PHF21B: variants seen among roughly 807,000 people sequenced by gnomAD.
The protein encoded by PHF21B is PHD finger protein 4.
Under a neutral mutation model 62.2 loss-of-function variants are expected in PHF21B, and 22 were observed. The observed-to-expected ratio is 0.35, with a 90% CI of 0.25 to 0.51. The LOEUF is 0.51. PHF21B is among the 20% of genes least tolerant of loss of function. The pLI, the probability that PHF21B is intolerant of heterozygous loss-of-function variation, is 0.97. For missense variants in PHF21B, 701 were observed against 707.9 expected (o/e 0.99, Z 0.11); for synonymous variants, 341 against 314.7 (o/e 1.08, Z -0.88).
chr22:44,941,905 G>A (rs1185704869), intron 2 of PHF21B, among the ~76,000 whole-genome samples: 2 of 152,152 alleles, frequency 1.3e-5, no homozygotes, highest in African/African-American at 2.4e-5. Context: ...CGTCTCCCAG[G>A]GACTGCCTGT....
chr22:44,930,811 C>T (rs372629902), intron 2 of PHF21B, among the ~76,000 whole-genome samples: 2 of 152,210 alleles, frequency 1.3e-5, no homozygotes, highest in South Asian at 2.1e-4. Context: ...GGCGCAAGGG[C>T]GGCACCCCCC....
At chr22:44,959,003 G>A (rs968686829) in intron 2 of PHF21B, among the ~76,000 whole-genome samples, 2 of 151,792 alleles carry the variant, frequency 1.3e-5, no homozygotes, top group Non-Finnish European at 2.9e-5. Context: ...TTCCATGGCC[G>A]GCCCCGCTGG....
At chr22:44,979,533 G>T (rs2147471466) in intron 2 of PHF21B, among the ~76,000 whole-genome samples, 1 of 152,330 alleles carries the variant, frequency 6.6e-6, no homozygotes, top group East Asian at 1.9e-4. Context: ...TCTCATGTCT[G>T]CCCAGTGTCC....
At chr22:45,005,057 C>T (rs1569288220) in intron 2 of PHF21B, among the ~76,000 whole-genome samples, 1 of 152,234 alleles carries the variant, frequency 6.6e-6, no homozygotes, top group Non-Finnish European at 1.5e-5. Context: ...ATGCTGTGCT[C>T]GGAACTCCGA....
intron 9 of PHF21B, among the ~76,000 whole-genome samples, chr22:44,888,381 C>T (rs1051680120): frequency 7.2e-5 from 11 of 152,164 alleles, no homozygotes; most frequent in African/African-American, 2.4e-4. Context: ...TGGAGTCTGG[C>T]CTGGTGTGAC....
At chr22:44,985,440 T>TAAG (rs61141744) in intron 2 of PHF21B, among the ~76,000 whole-genome samples, 3,066 of 152,136 alleles carry the variant, frequency 0.02, 94 homozygotes, top group African/African-American at 0.069. Context: ...ACCCTGTCTC[T>TAAG]AACAAAAAAA....
rs578119092 is a variant in PHF21B, at chr22:44,978,891, G to A, written c.120+29654C>T. Among the ~76,000 whole-genome samples the A allele has an allele frequency of 2.2e-4, 34 of 152,144 alleles. 1 individual carries two copies. The highest frequency in any genetic ancestry group is 6.3e-4 in the African/African-American group (26 of 41,506). ...GTGGCCACTGCTGTGTAGACTCTGCGTGCAGCTGCTGCATCTGGAGATCCC... is the reference window on the plus strand; with the variant it reads ...GTGGCCACTGCTGTGTAGACTCTGCATGCAGCTGCTGCATCTGGAGATCCC... On this transcript the variant is annotated intron_variant, in intron 2 of 12. Coordinates refer to ENST00000313237, the MANE Select transcript of PHF21B (RefSeq NM_138415.5).
At chr22:44,944,721 C>G (rs1386585789) in intron 2 of PHF21B, among the ~76,000 whole-genome samples, 1 of 152,182 alleles carries the variant, frequency 6.6e-6, no homozygotes, top group Non-Finnish European at 1.5e-5. Context: ...TCGAGAACAT[C>G]CCCAGAGCCA....
At chr22:44,954,793 A>G (rs2072261805) in intron 2 of PHF21B, among the ~76,000 whole-genome samples, 1 of 152,174 alleles carries the variant, frequency 6.6e-6, no homozygotes, top group Non-Finnish European at 1.5e-5. Flanking sequence ...GCTCCCAGGA[A>G]TTTAACCGAG....
At chr22:44,955,325 G>GGGT (rs2072274185) in intron 2 of PHF21B, among the ~76,000 whole-genome samples, 1 of 152,184 alleles carries the variant, frequency 6.6e-6, no homozygotes. Context: ...GTGCTCACAG[G>GGGT]GGTGTTGTGA....
chr22:44,952,313 G>A lies in PHF21B; in HGVS notation c.121-31823C>T, dbSNP rs145427049. 7.2e-5 allele frequency among the ~76,000 whole-genome samples: 11 copies of A among 152,296 alleles called. No homozygotes were observed. The East Asian group carries it at 1.3e-3, about 19-fold the overall frequency. On this transcript the variant is annotated intron_variant, in intron 2 of 12. Coordinates refer to ENST00000313237, the MANE Select transcript of PHF21B (RefSeq NM_138415.5). The stretch of plus-strand genomic sequence containing the variant: ...AGCCGAGATCGCACCAGTGTACTCT[G>A]GCCTGGGCAACAAGAGCGAAACTTT...
rs1231544907 is a variant in PHF21B at position 44,893,548 on chromosome 22, A to ACACAG, written c.884-20_884-16dup. On this transcript the variant is annotated splice_polypyrimidine_tract_variant and intron_variant, in intron 6 of 12. Coordinates refer to ENST00000313237, the MANE Select transcript of PHF21B (RefSeq NM_138415.5). Reference sequence around the variant, plus strand: ...GCTCTGGATTTCTGGAAAGGCACAGACACAGCAGTTACTGGGTCCTGCCTG... The same window carrying ACACAG: ...GCTCTGGATTTCTGGAAAGGCACAGACACAGCACAGCAGTTACTGGGTCCTGCCTG... 6.3e-7 allele frequency: 1 copy of ACACAG among 1,589,602 alleles called. No individual in the cohort carries two copies. The highest frequency in any genetic ancestry group is 1.8e-5 in the Admixed American group (1 of 56,520).
At chr22:44,888,241 G>A (rs890295755) in intron 9 of PHF21B, 120 bp from the exon 10 acceptor site, 5 of 1,144,108 alleles carry the variant, frequency 4.4e-6, no homozygotes, top group South Asian at 3.6e-5. Context: ...TTCTGCCAAC[G>A]TTTCCCAGCA....
chr22:45,003,525 T>C (rs1235077379), intron 2 of PHF21B: 1 of 152,344 alleles, frequency 6.6e-6, no homozygotes, highest in East Asian at 1.9e-4. Context: ...GAGGAGCTTC[T>C]GGGGCAGAGG....
At chr22:44,925,743 CT>C (rs1236487730) in intron 2 of PHF21B, among the ~76,000 whole-genome samples, 4 of 152,186 alleles carry the variant, frequency 2.6e-5, no homozygotes, top group Non-Finnish European at 4.4e-5. Flanking sequence ...CCCGCCTCCC[CT>C]AATGCATGTC....
intron 2 of PHF21B, among the ~76,000 whole-genome samples, chr22:45,007,995 G>C (rs1030814917): frequency 6.6e-6 from 1 of 152,046 alleles, no homozygotes; most frequent in African/African-American, 2.4e-5. Context: ...CAAAGTTGGA[G>C]CAGAACTGGG....
intron 2 of PHF21B, among the ~76,000 whole-genome samples, chr22:44,950,407 A>G (rs2072169273): frequency 6.6e-6 from 1 of 152,194 alleles, no homozygotes; most frequent in South Asian, 2.1e-4. Context: ...TCTCTCTCAA[A>G]AGTTCACGAC....
chr22:44,958,228 G>A (rs541224950), intron 2 of PHF21B, among the ~76,000 whole-genome samples: 3 of 152,012 alleles, frequency 2.0e-5, no homozygotes, highest in East Asian at 1.9e-4. Flanking sequence ...TTGAGTGCAC[G>A]ACTCTGCTGG....
At chr22:44,965,392 G>C (rs1477800816) in intron 2 of PHF21B, among the ~76,000 whole-genome samples, 1 of 151,948 alleles carries the variant, frequency 6.6e-6, no homozygotes, top group Non-Finnish European at 1.5e-5. Flanking sequence ...CCTGCACCCA[G>C]TGGAGCTCAC....
Sources: allele counts gnomAD v4.1 joint callset (sites outside exome capture counted in the v4.1 genomes callset), GRCh38; gene constraint gnomAD v4.1.1; transcripts MANE v1.5; gene names NCBI Gene and HGNC (gene_info 2026-07-23, HGNC 2026-07-21).